IDH2: variants seen among roughly 807,000 people sequenced by gnomAD.
The protein encoded by IDH2 is isocitrate dehydrogenase (NADP(+)) 2.
In IDH2, 18 loss-of-function variants were observed where a neutral mutation model predicts 50.5. The ratio of observed to expected loss-of-function variants is 0.36; its 90% CI spans 0.25 to 0.53. The LOEUF is 0.53. IDH2 is among the 20% of genes least tolerant of loss of function. The pLI, the probability that IDH2 is intolerant of heterozygous loss-of-function variation, is 0.92. For missense variants in IDH2, 518 were observed against 610.7 expected (o/e 0.85, Z 1.60); for synonymous variants, 280 against 239.8 (o/e 1.17, Z -1.55).
intron 5 of IDH2, among the ~76,000 whole-genome samples, chr15:90,088,121 G>A (rs1485154911): frequency 1.3e-5 from 2 of 151,736 alleles, no homozygotes; most frequent in African/African-American, 2.4e-5. Flanking sequence ...TTTGTTTCAA[G>A]AGATGGGGTC....
Position 90,084,381 on chromosome 15 carries a change from G to T in IDH2, c.1272-28C>A, listed in dbSNP as rs112930264. ...GCAGAGAGAGCACCACTCACATCAG[G>T]GGTGGCTCCAGGCCTTGCCAAGGCC... On this transcript the variant is annotated intron_variant, in intron 10 of 10. Transcript: ENST00000330062. This position sits in a 1 kb window ranked among gnomAD's most constrained non-coding sequence, Gnocchi z 5.0. 1.5e-5 allele frequency: 24 copies of T among 1,603,776 alleles called. No individual in the cohort carries two copies. Among genetic ancestry groups the T allele is most frequent in the Non-Finnish European group, 1.9e-5 (22 of 1,172,906 alleles).
In IDH2 at chr15:90,087,103, C is replaced by T; in HGVS notation, c.967+9G>A. 6.2e-7 allele frequency: 1 copy of T among 1,614,064 alleles called. No individual in the cohort carries two copies. Among genetic ancestry groups the T allele is most frequent in the Non-Finnish European group, 8.5e-7 (1 of 1,179,950 alleles). ...CACCCCCACAGGGAGCAGCGTCCTC[C>T]CAGCGTACCCTGGGCCAGGATGTCT... On this transcript the variant is annotated intron_variant, in intron 7 of 10. Coordinates refer to ENST00000330062, the MANE Select transcript of IDH2 (RefSeq NM_002168.4).
chr15:90,100,673 T>C lies in IDH2; in HGVS notation c.115+1603A>G. 2 of 984,364 alleles carry C rather than the reference T, an allele frequency of 2.0e-6. No homozygotes were observed. The highest frequency in any genetic ancestry group is 2.4e-6 in the Non-Finnish European group (2 of 828,938). 61.0% of individuals were successfully genotyped at this position (984,364 alleles called of 1,614,324 possible). Reference sequence around the variant, plus strand: ...AGGCAGCAAAGACACGGGGCTCTTTTAGCCCCAAAATATTCTTTCCTTGTC... The same window carrying C: ...AGGCAGCAAAGACACGGGGCTCTTTCAGCCCCAAAATATTCTTTCCTTGTC... On this transcript the variant is annotated intron_variant, in intron 1 of 10. Transcript: ENST00000330062. This position sits in a 1 kb window ranked among gnomAD's most constrained non-coding sequence, Gnocchi z 4.1.
At position 90,090,465 on chromosome 15, in the gene IDH2, C is replaced by T. The variant is rs1293053468; in HGVS notation, c.373+14G>A. Reference sequence around the variant, plus strand: ...GTGACCCTCCCTGGCCCGCCCACCTCCACACCCTCGCACCTTCCACACGGG... The same window carrying T: ...GTGACCCTCCCTGGCCCGCCCACCTTCACACCCTCGCACCTTCCACACGGG... On this transcript the variant is annotated intron_variant, in intron 3 of 10. Transcript: ENST00000330062. The T allele has an allele frequency of 6.2e-7, 1 of 1,612,534 alleles. No individual in the cohort carries two copies. The highest frequency in any genetic ancestry group is 8.5e-7 in the Non-Finnish European group (1 of 1,179,906).
intron 3 of IDH2, among the ~76,000 whole-genome samples, chr15:90,090,201 C>T (rs1301582637): frequency 6.6e-6 from 1 of 152,214 alleles, no homozygotes; most frequent in Non-Finnish European, 1.5e-5. Flanking sequence ...CTGTTCTCAG[C>T]TCTGCTGTGC....
In IDH2 at chr15:90,096,538, T is replaced by C. The variant is rs150651328; in HGVS notation, c.116-4894A>G. Among the ~76,000 whole-genome samples, 1,265 of 151,960 alleles carry C rather than the reference T, an allele frequency of 8.3e-3. 13 individuals are homozygous for C. Among genetic ancestry groups the C allele is most frequent in the African/African-American group, 0.029 (1,187 of 41,386 alleles). On this transcript the variant is annotated intron_variant, in intron 1 of 10. Coordinates refer to ENST00000330062, the MANE Select transcript of IDH2 (RefSeq NM_002168.4). ...AAGTGCTAGCAAGGATGTGGAGAAA[T>C]TGGAACTCTTGTGCCCTGTTGGTGG...
rs1057519736 is a variant in IDH2, at chr15:90,088,605, C to T, written c.516G>A (p.Arg172=). ...PGWTKPITIG[R]HAHGDQYKAT... is the part of the protein sequence containing the mutation. ...GGCCTACCTGGTCGCCATGGGCGTG[C>T]CTGCCAATGGTGATGGGCTTGGTCC... The change falls in exon 4 of 11, where the codon AGG becomes AGA. Residue 172 remains arginine (R), a synonymous_variant. Coordinates refer to ENST00000330062, the MANE Select transcript of IDH2 (RefSeq NM_002168.4). 1 of 1,614,224 alleles carries T rather than the reference C, an allele frequency of 6.2e-7. No homozygotes were observed. The highest frequency in any genetic ancestry group is 8.5e-7 in the Non-Finnish European group (1 of 1,180,044).
At chr15:90,087,381 T>TG in intron 6 of IDH2, 58 bp downstream of exon 6, 12 of 1,613,396 alleles carry the variant, frequency 7.4e-6, no homozygotes, top group Non-Finnish European at 1.0e-5. Flanking sequence ...CAGGGTAGGA[T>TG]GGGAACAGCA....
intron 1 of IDH2, among the ~76,000 whole-genome samples, chr15:90,093,362 C>A (rs899428048): frequency 2.6e-5 from 4 of 152,328 alleles, no homozygotes; most frequent in Middle Eastern, 3.4e-3. Context: ...GTTTTCCCTG[C>A]AATTCTATGA....
In IDH2 at chr15:90,100,925, G is replaced by C. The variant is rs552874044; in HGVS notation, c.115+1351C>G. On this transcript the variant is annotated intron_variant, in intron 1 of 10. Transcript: ENST00000330062. The surrounding 1 kb of genome is among the most constrained non-coding windows in gnomAD (Gnocchi z 4.1). ...GTGTTCCTGTTTGTGTGTGTTTTTC[G>C]GGTTGTTTGTTTCTTTTTTTTTTTT... is the stretch of plus-strand genomic sequence containing the variant. 7.7e-6 allele frequency among the ~76,000 whole-genome samples: 1 copy of C among 129,042 alleles called. No individual in the cohort carries two copies. Among genetic ancestry groups the C allele is most frequent in the African/African-American group, 3.0e-5 (1 of 33,156 alleles). 84.7% of individuals were successfully genotyped at this position (129,042 alleles called of 152,430 possible). A position where few individuals can be genotyped will look rare whatever the true frequency, so the allele number is the denominator to read the frequency against.
intron 1 of IDH2, among the ~76,000 whole-genome samples, chr15:90,101,386 AG>A (rs1032021446): frequency 3.3e-5 from 5 of 152,178 alleles, no homozygotes; most frequent in African/African-American, 1.2e-4. Context: ...TGTGTTGGGT[AG>A]CCAGGGTGAG....
In IDH2 at chr15:90,090,597, C is replaced by A. The variant is rs767257370; in HGVS notation, c.255G>T (p.Gly85=). The change falls in exon 3 of 11, where the codon GGG becomes GGT. Residue 85 remains glycine (G), a synonymous_variant. Transcript: ENST00000330062. ...VDIQLKYFDL[G]LPNRDQTDDQ... is the part of the protein sequence containing the mutation. ...CATCAGTCTGGTCACGGTTTGGGAG[C>A]CCGAGGTCAAAATACTTTAGCTGGA... 7 of 1,614,054 alleles carry A rather than the reference C, an allele frequency of 4.3e-6. No homozygotes were observed. In the Admixed American group the frequency reaches 1.2e-4, roughly 27 times the overall value.
chr15:90,091,703 C>G, intron 1 of IDH2, 59 bp from the exon 2 acceptor site: 1 of 1,445,772 alleles, frequency 6.9e-7, no homozygotes, highest in Non-Finnish European at 9.7e-7. Flanking sequence ...GGGGCCCTCT[C>G]CTCCCAGCCA....
At position 90,087,703 on chromosome 15, in the gene IDH2, C is replaced by A. The variant is rs900252735; in HGVS notation, c.679-128G>T. 2.3e-4 allele frequency: 234 copies of A among 1,018,618 alleles called. 1 individual carries two copies. In the East Asian group the frequency reaches 5.4e-3, roughly 24 times the overall value. 63.1% of individuals were successfully genotyped at this position (1,018,618 alleles called of 1,614,324 possible). ...CCGCCGCCCACGCGACTGTTTAACA[C>A]CAGCCTCCGTGCAGTGCACACGATG... On this transcript the variant is annotated intron_variant, in intron 5 of 10. Transcript: ENST00000330062.
chr15:90,091,458 G>A (rs1026879747), intron 2 of IDH2, 95 bp downstream of exon 2: 5 of 910,066 alleles, frequency 5.5e-6, no homozygotes, highest in Admixed American at 5.1e-5. Context: ...ACAACGGGGG[G>A]GTCCTAGGGA....
chr15:90,101,105 G>A (rs1432779108), intron 1 of IDH2, among the ~76,000 whole-genome samples: 1 of 152,118 alleles, frequency 6.6e-6, no homozygotes, highest in Non-Finnish European at 1.5e-5. Flanking sequence ...GATTCCCAGA[G>A]GTACAAAAGC....
intron 1 of IDH2, among the ~76,000 whole-genome samples, chr15:90,093,748 T>C (rs1360947479): frequency 6.6e-6 from 1 of 152,146 alleles, no homozygotes; most frequent in Non-Finnish European, 1.5e-5. Flanking sequence ...GCTTCCTGAG[T>C]AGCTGGGATT....
At chr15:90,096,869 G>A (rs576861542) in intron 1 of IDH2, among the ~76,000 whole-genome samples, 13 of 151,828 alleles carry the variant, frequency 8.6e-5, no homozygotes, top group Admixed American at 3.9e-4. Flanking sequence ...AGCTGAGATC[G>A]CGCCACTGCA....
At chr15:90,094,023 C>T (rs1405046617) in intron 1 of IDH2, among the ~76,000 whole-genome samples, 3 of 152,080 alleles carry the variant, frequency 2.0e-5, no homozygotes, top group African/African-American at 7.2e-5. Flanking sequence ...GGACTCTGAC[C>T]CTATTCAACA....
Sources: allele counts gnomAD v4.1 joint callset (sites outside exome capture counted in the v4.1 genomes callset), GRCh38; gene constraint gnomAD v4.1.1; non-coding constraint Gnocchi (gnomAD v3.1); transcripts MANE v1.5; gene names NCBI Gene and HGNC (gene_info 2026-07-23, HGNC 2026-07-21).